Variants in SSH2 observed in about 807,000 individuals in gnomAD.
The protein encoded by SSH2 is slingshot protein phosphatase 2, also known as protein phosphatase Slingshot homolog 2.
SSH2 carries 37 observed loss-of-function variants against 135.2 expected under a neutral mutation model. That is an observed-to-expected ratio of 0.27 (90% CI 0.21 to 0.36). SSH2 has a LOEUF of 0.36. SSH2 is among the 10% of genes least tolerant of loss of function. The probability of loss-of-function intolerance (pLI) is 1.00; values close to 1 mark genes in which losing one functional copy is unlikely to be tolerated. For synonymous variants in SSH2, 628 were observed against 646.2 expected (o/e 0.97, Z 0.43); for missense variants, 1,408 against 1,765.3 (o/e 0.80, Z 3.63).
Position 29,636,386 on chromosome 17 carries a change from T to C in SSH2, c.1844A>G (p.Lys615Arg). Residue 615 changes from lysine (K) to arginine (R), a missense_variant, in exon 15 of 16, where the codon AAG becomes AGG. Physicochemically the swap from Lys to Arg is conservative, Grantham distance 26. Around this residue, in one of 3 missense-constraint regions of SSH2, gnomAD observed 1,080 missense variants for 1,144.5 expected, o/e 0.94. Transcript: ENST00000540801. ...ATCTTCCACTGTTAAGTCTGGAAACTTGTTGGCCATTTCTGGGACATGTCC... is the reference window on the plus strand; with the variant it reads ...ATCTTCCACTGTTAAGTCTGGAAACCTGTTGGCCATTTCTGGGACATGTCC... ...QPGHVPEMAN[K>R]FPDLTVEDLE... The C allele has an allele frequency of 1.2e-6, 2 of 1,614,178 alleles. No homozygotes were observed. The highest frequency in any genetic ancestry group is 1.7e-6 in the Non-Finnish European group (2 of 1,180,010).
intron 2 of SSH2, among the ~76,000 whole-genome samples, chr17:29,820,704 C>A (rs2042636715): frequency 6.6e-6 from 1 of 152,152 alleles, no homozygotes; most frequent in African/African-American, 2.4e-5. Context: ...ACAAAACATG[C>A]ACACTGAATT....
chr17:29,736,695 G>T (rs1233148968), intron 3 of SSH2, among the ~76,000 whole-genome samples: 1 of 142,532 alleles, frequency 7.0e-6, no homozygotes, highest in Non-Finnish European at 1.5e-5. Flanking sequence ...GCTGAGGCAG[G>T]AGACTTGCTT....
At chr17:29,919,689 C>CT (rs770940170) in intron 1 of SSH2, among the ~76,000 whole-genome samples, 1,590 of 142,922 alleles carry the variant, frequency 0.011, 9 homozygotes, top group Non-Finnish European at 0.014. Flanking sequence ...AAGAATTACA[C>CT]TTTTTTTTTT....
chr17:29,810,452 T>C (rs542359013), intron 2 of SSH2, among the ~76,000 whole-genome samples: 1 of 152,248 alleles, frequency 6.6e-6, no homozygotes, highest in Non-Finnish European at 1.5e-5. Flanking sequence ...TTCTATTTTT[T>C]AACTTGCATA....
At chr17:29,664,567 C>A (rs1029297249) in intron 11 of SSH2, among the ~76,000 whole-genome samples, 2 of 152,038 alleles carry the variant, frequency 1.3e-5, no homozygotes, top group Non-Finnish European at 2.9e-5. Context: ...GATCATGGCT[C>A]ACCGCAGCCT....
At chr17:29,917,087 G>A (rs2066895644) in intron 1 of SSH2, among the ~76,000 whole-genome samples, 3 of 151,772 alleles carry the variant, frequency 2.0e-5, no homozygotes, top group Middle Eastern at 3.5e-3. Flanking sequence ...TACAGAGGTG[G>A]GAGAGCAAAG....
chr17:29,888,525 C>T (rs561060732), intron 1 of SSH2, among the ~76,000 whole-genome samples: 1 of 152,064 alleles, frequency 6.6e-6, no homozygotes, highest in African/African-American at 2.4e-5. Context: ...GGATGGAATC[C>T]GTATAAGTGT....
intron 5 of SSH2, among the ~76,000 whole-genome samples, chr17:29,687,349 G>A (rs1042886642): frequency 2.6e-5 from 4 of 152,144 alleles, no homozygotes; most frequent in Admixed American, 6.6e-5. Context: ...TAATAAGAAC[G>A]GATATAACAA....
rs2035862291 is a variant in SSH2 at position 29,635,421 on chromosome 17, T to G, written c.2262+547A>C. Among the ~76,000 whole-genome samples, 4 of 152,030 alleles carry G rather than the reference T, an allele frequency of 2.6e-5. No homozygotes were observed. In the South Asian group the frequency reaches 8.3e-4, roughly 32 times the overall value. On this transcript the variant is annotated intron_variant, in intron 15 of 15. Coordinates refer to ENST00000540801, the MANE Select transcript of SSH2 (RefSeq NM_001282129.2). ...GTATCTTTGGACTTCTTTTTTTTTT[T>G]GAGACAAGAGTCTTGCTCTGTCGCC...
intron 3 of SSH2, among the ~76,000 whole-genome samples, chr17:29,707,801 C>T (rs1432230038): frequency 6.6e-6 from 1 of 152,120 alleles, no homozygotes; most frequent in Non-Finnish European, 1.5e-5. Flanking sequence ...GCTGGGATTA[C>T]AGGTGTAAGC....
At chr17:29,784,982 T>C (rs1015132424) in intron 3 of SSH2, among the ~76,000 whole-genome samples, 14 of 152,152 alleles carry the variant, frequency 9.2e-5, no homozygotes, top group African/African-American at 3.4e-4. Context: ...AAATTTTCTT[T>C]TTGTTTTGTT....
At chr17:29,919,157 G>A (rs2066932355) in intron 1 of SSH2, among the ~76,000 whole-genome samples, 1 of 152,138 alleles carries the variant, frequency 6.6e-6, no homozygotes, top group Admixed American at 6.5e-5. Context: ...TGAGGTTAGA[G>A]ACTAACTGGC....
chr17:29,686,386 G>A (rs1226721170), intron 5 of SSH2, among the ~76,000 whole-genome samples: 1 of 151,030 alleles, frequency 6.6e-6, no homozygotes, highest in South Asian at 2.1e-4. Flanking sequence ...TTAAGAGACG[G>A]AGTCTTGCTC....
chr17:29,733,790 T>C (rs2040277397), intron 3 of SSH2, among the ~76,000 whole-genome samples: 2 of 152,228 alleles, frequency 1.3e-5, no homozygotes, highest in African/African-American at 4.8e-5. Flanking sequence ...AAAAACACTA[T>C]TTAATGAAAA....
At chr17:29,902,525 T>C (rs1057253023) in intron 1 of SSH2, among the ~76,000 whole-genome samples, 1 of 151,976 alleles carries the variant, frequency 6.6e-6, no homozygotes, top group African/African-American at 2.4e-5. Flanking sequence ...CTACTTTCTG[T>C]TGCCCTTAAA....
At position 29,805,237 on chromosome 17, in the gene SSH2, G is replaced by A. The variant is rs1315830934; in HGVS notation, c.145-11300C>T. On this transcript the variant is annotated intron_variant, in intron 2 of 15. Transcript: ENST00000540801. The stretch of plus-strand genomic sequence containing the variant: ...GCGGCCTGATCTCGGCTCACTGCAA[G>A]CTCTGCCTCCCGGGTTCACGCCATT... 2.6e-5 allele frequency among the ~76,000 whole-genome samples: 4 copies of A among 152,034 alleles called. No homozygotes were observed. In the East Asian group the frequency reaches 7.7e-4, roughly 29 times the overall value.
intron 2 of SSH2, among the ~76,000 whole-genome samples, chr17:29,808,586 T>A (rs115698800): frequency 1.2e-3 from 185 of 152,348 alleles, no homozygotes; most frequent in African/African-American, 4.3e-3. Flanking sequence ...TCCCCACTCA[T>A]CTCAGGCACA....
intron 3 of SSH2, among the ~76,000 whole-genome samples, chr17:29,727,793 T>C (rs964822924): frequency 4.6e-5 from 7 of 152,182 alleles, no homozygotes; most frequent in African/African-American, 9.7e-5. Flanking sequence ...CTTTTACCAC[T>C]GTTATTCAAA....
chr17:29,657,322 T>C lies in SSH2; in HGVS notation c.1033-1715A>G, dbSNP rs150701144. On this transcript the variant is annotated intron_variant, in intron 11 of 15. Coordinates refer to ENST00000540801, the MANE Select transcript of SSH2 (RefSeq NM_001282129.2). ...TTCACTCTTGTTGCCCAGGCTGGAGTGCAATGGCACAATCTCGGCTCACTG... is the reference window on the plus strand; with the variant it reads ...TTCACTCTTGTTGCCCAGGCTGGAGCGCAATGGCACAATCTCGGCTCACTG... Among the ~76,000 whole-genome samples, 1,359 of 150,170 alleles carry C rather than the reference T, an allele frequency of 9.0e-3. 12 individuals are homozygous for C. The highest frequency in any genetic ancestry group is 0.016 in the Non-Finnish European group (1,070 of 67,616).
Sources: allele counts gnomAD v4.1 joint callset (sites outside exome capture counted in the v4.1 genomes callset), GRCh38; gene constraint gnomAD v4.1.1; regional missense constraint gnomAD v4.1.1; transcripts MANE v1.5; gene names NCBI Gene and HGNC (gene_info 2026-07-23, HGNC 2026-07-21).